The following DENND5B variants were observed in gnomAD, a reference collection of about 807,000 sequenced individuals.
DENND5B encodes DENN domain-containing protein 5B.
Under a neutral mutation model 140.6 loss-of-function variants are expected in DENND5B, and 34 were observed. That is an observed-to-expected ratio of 0.24 (90% CI 0.18 to 0.32). The LOEUF is 0.32. Among genes scored for constraint, DENND5B ranks in the 10% least tolerant of loss-of-function variants. The pLI is 1.00. For missense variants in DENND5B, 1,142 were observed against 1,560.2 expected (o/e 0.73, Z 4.52); for synonymous variants, 551 against 562.1 (o/e 0.98, Z 0.28).
Position 31,398,223 on chromosome 12 carries a change from T to G in DENND5B, c.3208A>C (p.Thr1070Pro). 1 of 1,605,716 alleles carries G rather than the reference T, an allele frequency of 6.2e-7. No individual in the cohort carries two copies. ...GTGATGCTCAATCTCCTAGCCGTGGTGGGTGACTTCTGCTGGGGTGGAGTC... is the reference window on the plus strand; with the variant it reads ...GTGATGCTCAATCTCCTAGCCGTGGGGGGTGACTTCTGCTGGGGTGGAGTC... The part of the protein sequence containing the change: ...CRTPPQQKSP[T>P]TARRLSITSL... Residue 1070 changes from threonine to proline, a missense_variant, in exon 17 of 21, where the codon ACC (threonine) becomes CCC (proline). Physicochemically the swap from Thr to Pro is conservative, Grantham distance 38. This residue lies in a region of DENND5B where 268 missense variants were observed against 349.2 expected (regional missense o/e 0.77). Coordinates refer to ENST00000389082, the MANE Select transcript of DENND5B (RefSeq NM_144973.4).
At chr12:31,407,345 G>A (rs1942182304) in intron 14 of DENND5B, among the ~76,000 whole-genome samples, 1 of 151,850 alleles carries the variant, frequency 6.6e-6, no homozygotes, top group South Asian at 2.1e-4. Context: ...TGGTCAGGCT[G>A]GTCTCTAACC....
intron 1 of DENND5B, among the ~76,000 whole-genome samples, chr12:31,582,524 G>A (rs774122339): frequency 7.9e-5 from 12 of 152,016 alleles, no homozygotes; most frequent in Non-Finnish European, 1.8e-4. Context: ...AGTTAAAAGT[G>A]GTATATTTCA....
chr12:31,454,750 A>G (rs1224863118), intron 4 of DENND5B, among the ~76,000 whole-genome samples: 1 of 146,024 alleles, frequency 6.8e-6, no homozygotes. Flanking sequence ...GCCGGCCTAC[A>G]CCATTCTTTA....
chr12:31,447,727 G>T lies in DENND5B; in HGVS notation c.1672C>A (p.Leu558Ile). 1 of 1,609,058 alleles carries T rather than the reference G, an allele frequency of 6.2e-7. No homozygotes were observed. The change falls in exon 6 of 21, where the codon CTT becomes ATT. Residue 558 changes from leucine to isoleucine, a missense_variant. Transcript: ENST00000389082. Reference sequence around the variant, plus strand: ...ATCTGTGTTTCAATGAAGCGTGAAAGAAATGGCAGGTAAGGCTCAGGCTGG... The same window carrying T: ...ATCTGTGTTTCAATGAAGCGTGAAATAAATGGCAGGTAAGGCTCAGGCTGG... ...SDQPEPYLPF[L>I]SRFIETQMFA...
intron 1 of DENND5B, among the ~76,000 whole-genome samples, chr12:31,505,848 T>C (rs551727472): frequency 6.6e-6 from 1 of 152,292 alleles, no homozygotes; most frequent in South Asian, 2.1e-4. Context: ...AATTGTTTTT[T>C]TGAGACAGAG....
At chr12:31,590,415 A>C in intron 1 of DENND5B, 1 of 215,326 alleles carries the variant, frequency 4.6e-6, no homozygotes, top group Non-Finnish European at 9.1e-6. Flanking sequence ...CTGCAAGCGA[A>C]GGGGCCGGCG....
intron 3 of DENND5B, among the ~76,000 whole-genome samples, chr12:31,461,396 C>T (rs1945014174): frequency 6.6e-6 from 1 of 152,116 alleles, no homozygotes; most frequent in South Asian, 2.1e-4. Context: ...TTTACATGAA[C>T]TCACTAGTTT....
chr12:31,582,292 G>A (rs551578694), intron 1 of DENND5B, among the ~76,000 whole-genome samples: 1 of 152,242 alleles, frequency 6.6e-6, no homozygotes, highest in Non-Finnish European at 1.5e-5. Context: ...CAAGACAGAC[G>A]AGAACACTGA....
chr12:31,416,421 G>A (rs1349456175), intron 11 of DENND5B, among the ~76,000 whole-genome samples: 3 of 151,710 alleles, frequency 2.0e-5, no homozygotes, highest in Non-Finnish European at 2.9e-5. Flanking sequence ...GCGCCACCAC[G>A]CCCAGCTAAT....
intron 2 of DENND5B, among the ~76,000 whole-genome samples, chr12:31,488,345 GATTTA>G (rs1946391836): frequency 6.6e-6 from 1 of 152,076 alleles, no homozygotes; most frequent in African/African-American, 2.4e-5. Flanking sequence ...TCAACATAAA[GATTTA>G]ATTTAATTGA....
intron 2 of DENND5B, among the ~76,000 whole-genome samples, chr12:31,485,832 T>G (rs541134850): frequency 6.6e-6 from 1 of 152,296 alleles, no homozygotes; most frequent in African/African-American, 2.4e-5. Context: ...TGAAGCTGCC[T>G]GACTGGTGAG....
chr12:31,495,491 G>T (rs1295890652), intron 2 of DENND5B, among the ~76,000 whole-genome samples: 1 of 150,016 alleles, frequency 6.7e-6, no homozygotes, highest in Admixed American at 6.8e-5. Flanking sequence ...TGATTCTCCT[G>T]CCTCAGCCTC....
At chr12:31,563,507 T>C (rs560751270) in intron 1 of DENND5B, among the ~76,000 whole-genome samples, 2 of 152,284 alleles carry the variant, frequency 1.3e-5, no homozygotes, top group African/African-American at 2.4e-5. Context: ...GCAAAGTTTC[T>C]TCCTAAAACA....
At chr12:31,446,500 T>C (rs1432094470) in intron 6 of DENND5B, among the ~76,000 whole-genome samples, 1 of 152,218 alleles carries the variant, frequency 6.6e-6, no homozygotes, top group Admixed American at 6.5e-5. Flanking sequence ...ATGGCACTAC[T>C]AAAGCAAAGA....
At chr12:31,554,316 C>G (rs1252268925) in intron 1 of DENND5B, among the ~76,000 whole-genome samples, 4 of 152,174 alleles carry the variant, frequency 2.6e-5, no homozygotes, top group African/African-American at 9.7e-5. Flanking sequence ...TTCTCCTTCA[C>G]TTATGAAGCT....
intron 3 of DENND5B, among the ~76,000 whole-genome samples, chr12:31,470,173 G>A (rs1349988155): frequency 1.5e-5 from 2 of 130,492 alleles, no homozygotes; most frequent in East Asian, 2.5e-4. Flanking sequence ...GGAGTGCAAT[G>A]GTGCGATCTC....
At chr12:31,518,561 C>G (rs1394757666) in intron 1 of DENND5B, among the ~76,000 whole-genome samples, 1 of 134,534 alleles carries the variant, frequency 7.4e-6, no homozygotes, top group African/African-American at 2.9e-5. Flanking sequence ...AGCTTTGAGG[C>G]ACTATTCAAA....
chr12:31,467,833 A>T (rs1413701400), intron 3 of DENND5B, among the ~76,000 whole-genome samples: 3 of 152,244 alleles, frequency 2.0e-5, no homozygotes, highest in African/African-American at 7.2e-5. Flanking sequence ...ATCATTAAGA[A>T]AAAGAGCATA....
chr12:31,417,401 C>T (rs1168023811), intron 11 of DENND5B, among the ~76,000 whole-genome samples: 1 of 149,388 alleles, frequency 6.7e-6, no homozygotes, highest in Non-Finnish European at 1.5e-5. Context: ...TCGGACTCTT[C>T]AATCTGATAA....
Sources: allele counts gnomAD v4.1 joint callset (sites outside exome capture counted in the v4.1 genomes callset), GRCh38; gene constraint gnomAD v4.1.1; regional missense constraint gnomAD v4.1.1; transcripts MANE v1.5; gene names NCBI Gene and HGNC (gene_info 2026-07-23, HGNC 2026-07-21).